Variants in GRM5 observed in about 807,000 individuals in gnomAD.
GRM5 encodes the protein metabotropic glutamate receptor 5.
In GRM5, 19 loss-of-function variants were observed where a neutral mutation model predicts 83.1. The observed-to-expected ratio is 0.23, with a 90% CI of 0.16 to 0.34. GRM5 has a LOEUF of 0.34. Ranked by LOEUF, GRM5 falls within the 10% of genes least tolerant of loss-of-function variation. The pLI, the probability that GRM5 is intolerant of heterozygous loss-of-function variation, is 1.00. For missense variants in GRM5, 1,160 were observed against 1,588.3 expected (o/e 0.73, Z 4.58); for synonymous variants, 675 against 633.6 (o/e 1.07, Z -0.98).
chr11:88,636,997 C>A (rs1011198752), intron 4 of GRM5, among the ~76,000 whole-genome samples: 1 of 152,148 alleles, frequency 6.6e-6, no homozygotes, highest in Non-Finnish European at 1.5e-5. Context: ...ATGCCTCCAG[C>A]CTTGTTCTTT....
chr11:88,727,689 C>T (rs886104412), intron 3 of GRM5, among the ~76,000 whole-genome samples: 2 of 152,230 alleles, frequency 1.3e-5, no homozygotes, highest in Non-Finnish European at 2.9e-5. Flanking sequence ...CAAACAGTCT[C>T]TCAGACCACA....
At chr11:88,525,735 C>A (rs1434914956) in intron 8 of GRM5, among the ~76,000 whole-genome samples, 1 of 152,178 alleles carries the variant, frequency 6.6e-6, no homozygotes, top group Non-Finnish European at 1.5e-5. Flanking sequence ...TCAATCAACA[C>A]ATTAGAATCT....
At chr11:88,556,904 G>GA (rs1175044205) in intron 8 of GRM5, among the ~76,000 whole-genome samples, 1 of 151,548 alleles carries the variant, frequency 6.6e-6, no homozygotes, top group Admixed American at 6.6e-5. Context: ...ACCAAAAAAA[G>GA]AAAAAAAATG....
Position 88,615,075 on chromosome 11 carries a change from C to G in GRM5, c.1148-10111G>C, listed in dbSNP as rs75424243. Among the ~76,000 whole-genome samples, 94 of 152,192 alleles carry G rather than the reference C, an allele frequency of 6.2e-4. 3 individuals are homozygous for G. The highest frequency in any genetic ancestry group is 2.2e-3 in the African/African-American group (91 of 41,532). On this transcript the variant is annotated intron_variant, in intron 4 of 9. Coordinates refer to ENST00000305447, the MANE Select transcript of GRM5 (RefSeq NM_001143831.3). ...CCAGGTATGTACAGAAGGGGCCGAT[C>G]AAAACAAGATCTTAAAAGCTGACGG... is the stretch of plus-strand genomic sequence containing the variant.
chr11:88,972,522 T>A (rs1939198213), intron 2 of GRM5, among the ~76,000 whole-genome samples: 1 of 152,174 alleles, frequency 6.6e-6, no homozygotes, highest in African/African-American at 2.4e-5. Context: ...CTAACATAAA[T>A]GGATACATAT....
chr11:88,828,747 A>G lies in GRM5; in HGVS notation c.911+21159T>C, dbSNP rs1253784251. On this transcript the variant is annotated intron_variant, in intron 3 of 9. Coordinates refer to ENST00000305447, the MANE Select transcript of GRM5 (RefSeq NM_001143831.3). Reference sequence around the variant, plus strand: ...AATTATTGTGCATGTTTAAAATCCAAAACTTCTGGAGAAAACTACAAATAT... The same window carrying G: ...AATTATTGTGCATGTTTAAAATCCAGAACTTCTGGAGAAAACTACAAATAT... 3.9e-5 allele frequency among the ~76,000 whole-genome samples: 6 copies of G among 152,194 alleles called. No individual in the cohort carries two copies. In the East Asian group the frequency reaches 9.6e-4, roughly 24 times the overall value.
At chr11:88,689,949 G>A (rs1367594969) in intron 3 of GRM5, among the ~76,000 whole-genome samples, 1 of 151,886 alleles carries the variant, frequency 6.6e-6, no homozygotes, top group Non-Finnish European at 1.5e-5. Context: ...TATATTTAAA[G>A]TTCCTTCCTT....
chr11:88,745,196 TTC>T (rs1288613382), intron 3 of GRM5, among the ~76,000 whole-genome samples: 7,886 of 17,666 alleles, frequency 0.45, 420 homozygotes, highest in Admixed American at 0.53. Flanking sequence ...CTTTTTATTT[TTC>T]TTTTTTTTTT....
At chr11:88,879,102 A>G (rs956274543) in intron 2 of GRM5, among the ~76,000 whole-genome samples, 1 of 152,164 alleles carries the variant, frequency 6.6e-6, no homozygotes, top group African/African-American at 2.4e-5. Flanking sequence ...AGGATAAGAA[A>G]TACTATGGAA....
intron 3 of GRM5, among the ~76,000 whole-genome samples, chr11:88,706,790 C>T (rs1312556221): frequency 1.3e-5 from 2 of 152,092 alleles, no homozygotes; most frequent in Non-Finnish European, 2.9e-5. Flanking sequence ...TCAACATCTA[C>T]ACCTTTGCTT....
chr11:88,866,451 A>G lies in GRM5; in HGVS notation c.662-16296T>C, dbSNP rs190089885. 7.4e-3 allele frequency among the ~76,000 whole-genome samples: 1,133 copies of G among 152,170 alleles called. 21 individuals are homozygous for G. Among genetic ancestry groups the G allele is most frequent in the Non-Finnish European group, 5.8e-3 (395 of 67,980 alleles). ...TAGCATTAGGAGAAATACCTAATGTAGATGACAGGTTGATGGTTGCAGCAG... is the reference window on the plus strand; with the variant it reads ...TAGCATTAGGAGAAATACCTAATGTGGATGACAGGTTGATGGTTGCAGCAG... On this transcript the variant is annotated intron_variant, in intron 2 of 9. Coordinates refer to ENST00000305447, the MANE Select transcript of GRM5 (RefSeq NM_001143831.3).
At chr11:88,813,224 A>C (rs1191163499) in intron 3 of GRM5, among the ~76,000 whole-genome samples, 6 of 152,176 alleles carry the variant, frequency 3.9e-5, no homozygotes. Flanking sequence ...TTAGTCTTCC[A>C]ACAAGTTGCT....
intron 3 of GRM5, among the ~76,000 whole-genome samples, chr11:88,664,227 T>G (rs546376993): frequency 6.6e-6 from 1 of 152,218 alleles, no homozygotes; most frequent in South Asian, 2.1e-4. Flanking sequence ...TCCTAAGCAA[T>G]ATATGCTTAT....
chr11:88,787,519 T>C (rs889453199), intron 3 of GRM5, among the ~76,000 whole-genome samples: 4 of 152,072 alleles, frequency 2.6e-5, no homozygotes, highest in South Asian at 2.1e-4. Context: ...TGATTTCCTA[T>C]AGATTTTAAA....
chr11:88,775,241 G>A (rs568354982), intron 3 of GRM5, among the ~76,000 whole-genome samples: 1 of 152,156 alleles, frequency 6.6e-6, no homozygotes, highest in Non-Finnish European at 1.5e-5. Context: ...GGGGTTTATA[G>A]TATTCTCTGA....
intron 2 of GRM5, among the ~76,000 whole-genome samples, chr11:88,937,974 T>C (rs1937955889): frequency 6.6e-6 from 1 of 151,720 alleles, no homozygotes; most frequent in Non-Finnish European, 1.5e-5. Context: ...CAAATATTCA[T>C]AATGAGCATG....
chr11:88,781,660 G>A (rs1160726008), intron 3 of GRM5, among the ~76,000 whole-genome samples: 1 of 152,180 alleles, frequency 6.6e-6, no homozygotes, highest in Non-Finnish European at 1.5e-5. Context: ...AGCTTGTTCT[G>A]CTGCTCTGTG....
intron 3 of GRM5, among the ~76,000 whole-genome samples, chr11:88,811,604 A>G (rs1484884946): frequency 6.6e-6 from 1 of 152,146 alleles, no homozygotes; most frequent in Non-Finnish European, 1.5e-5. Context: ...CTGTAGAATG[A>G]AAGTAGAATG....
intron 3 of GRM5, among the ~76,000 whole-genome samples, chr11:88,730,169 C>T (rs1941775400): frequency 1.3e-5 from 2 of 150,784 alleles, no homozygotes; most frequent in African/African-American, 5.0e-5. Flanking sequence ...ACAAAGAACT[C>T]AAACAAATTT....
Sources: allele counts gnomAD v4.1 joint callset (sites outside exome capture counted in the v4.1 genomes callset), GRCh38; gene constraint gnomAD v4.1.1; transcripts MANE v1.5; gene names NCBI Gene and HGNC (gene_info 2026-07-23, HGNC 2026-07-21).